The following FRMD4A variants were observed in gnomAD, a reference collection of about 807,000 sequenced individuals.
FRMD4A encodes FERM domain containing 4A.
In FRMD4A, 29 loss-of-function variants were observed where a neutral mutation model predicts 129.1. That is an observed-to-expected ratio of 0.22 (90% confidence interval 0.17 to 0.31). The LOEUF (loss-of-function observed/expected upper bound fraction) is 0.31. Ranked by LOEUF, FRMD4A falls within the 10% of genes least tolerant of loss-of-function variation. The pLI is 1.00. For synonymous variants in FRMD4A, 634 were observed against 571.6 expected (o/e 1.11, Z -1.56); for missense variants, 1,272 against 1,375.8 (o/e 0.92, Z 1.19).
intron 8 of FRMD4A, among the ~76,000 whole-genome samples, chr10:13,760,836 T>A (rs886154877): frequency 5.3e-5 from 8 of 151,116 alleles, no homozygotes; most frequent in Non-Finnish European, 1.5e-5. Context: ...TTTTTGCCTC[T>A]AAACCTTGAT....
chr10:14,012,771 A>G (rs1277014777), intron 2 of FRMD4A, among the ~76,000 whole-genome samples: 1 of 152,082 alleles, frequency 6.6e-6, no homozygotes, highest in Non-Finnish European at 1.5e-5. Context: ...GGCCTCAACT[A>G]TTTGTCCAAT....
At chr10:13,754,594 G>A (rs1435864007) in intron 8 of FRMD4A, among the ~76,000 whole-genome samples, 4 of 150,752 alleles carry the variant, frequency 2.7e-5, no homozygotes, top group Non-Finnish European at 4.5e-5. Flanking sequence ...GTGTGTGTGT[G>A]TGTGTGTAAA....
intron 2 of FRMD4A, among the ~76,000 whole-genome samples, chr10:14,256,453 G>A (rs572279387): frequency 4.3e-4 from 65 of 152,142 alleles, no homozygotes; most frequent in African/African-American, 1.4e-3. Context: ...CCATCTTGAA[G>A]AATAAGCAGA....
intron 24 of FRMD4A, among the ~76,000 whole-genome samples, chr10:13,650,637 A>AG (rs1464268007): frequency 2.0e-5 from 3 of 152,016 alleles, no homozygotes; most frequent in East Asian, 1.9e-4. Context: ...GGGCTGGGGG[A>AG]GGGGGTCTAC....
intron 2 of FRMD4A, among the ~76,000 whole-genome samples, chr10:14,077,166 G>A (rs994237081): frequency 2.0e-5 from 3 of 152,204 alleles, no homozygotes; most frequent in African/African-American, 7.2e-5. Context: ...ACCTGGGTAG[G>A]CACTGCAAGG....
At chr10:13,818,197 T>C (rs1426558665) in intron 3 of FRMD4A, among the ~76,000 whole-genome samples, 1 of 152,020 alleles carries the variant, frequency 6.6e-6, no homozygotes, top group Non-Finnish European at 1.5e-5. Flanking sequence ...CAGGGACTTA[T>C]TCTGTTGCCC....
At chr10:13,797,132 A>G (rs2093137255) in intron 4 of FRMD4A, among the ~76,000 whole-genome samples, 1 of 152,182 alleles carries the variant, frequency 6.6e-6, no homozygotes, top group Non-Finnish European at 1.5e-5. Flanking sequence ...AGGAACTGGA[A>G]AGTGAAGGGA....
intron 2 of FRMD4A, among the ~76,000 whole-genome samples, chr10:13,898,359 C>A (rs1474995390): frequency 1.3e-5 from 2 of 152,026 alleles, no homozygotes; most frequent in East Asian, 3.9e-4. Flanking sequence ...GAGAGAGACT[C>A]CATCTCAAAA....
At chr10:13,916,945 T>C (rs2095014971) in intron 2 of FRMD4A, among the ~76,000 whole-genome samples, 1 of 152,228 alleles carries the variant, frequency 6.6e-6, no homozygotes, top group Non-Finnish European at 1.5e-5. Context: ...GAAAGCTTTG[T>C]GTGAGAGAAA....
intron 2 of FRMD4A, among the ~76,000 whole-genome samples, chr10:14,231,473 G>C (rs1843636917): frequency 6.6e-6 from 1 of 151,932 alleles, no homozygotes; most frequent in Non-Finnish European, 1.5e-5. Context: ...TTCCTGAGTA[G>C]CTGGGACTAC....
At chr10:14,059,539 T>C (rs1405418601) in intron 2 of FRMD4A, among the ~76,000 whole-genome samples, 2 of 152,202 alleles carry the variant, frequency 1.3e-5, no homozygotes, top group African/African-American at 2.4e-5. Flanking sequence ...GGTGGCCACC[T>C]TAAGCAAGGA....
At chr10:14,221,851 C>T (rs573277793) in intron 2 of FRMD4A, among the ~76,000 whole-genome samples, 1 of 152,128 alleles carries the variant, frequency 6.6e-6, no homozygotes, top group South Asian at 2.1e-4. Context: ...CACAATGCGC[C>T]GCCAGTGATT....
intron 2 of FRMD4A, among the ~76,000 whole-genome samples, chr10:13,906,570 G>A (rs1381016264): frequency 6.6e-6 from 1 of 152,060 alleles, no homozygotes; most frequent in Non-Finnish European, 1.5e-5. Context: ...ATCCACTAAG[G>A]GCGTGAAATC....
chr10:13,843,288 T>C lies in FRMD4A; in HGVS notation c.111+15559A>G, dbSNP rs1789272771. Reference sequence around the variant, plus strand: ...TCCACATCTCAAGTGACACTGAGGCTGTTTGTCTAGGACCACACTTTGAGA... The same window carrying C: ...TCCACATCTCAAGTGACACTGAGGCCGTTTGTCTAGGACCACACTTTGAGA... On this transcript the variant is annotated intron_variant, in intron 3 of 24. Coordinates refer to ENST00000357447, the MANE Select transcript of FRMD4A (RefSeq NM_018027.5). Among the ~76,000 whole-genome samples, 3 of 152,142 alleles carry C rather than the reference T, an allele frequency of 2.0e-5. No homozygotes were observed. The South Asian group carries it at 6.2e-4, about 32-fold the overall frequency.
At chr10:13,984,120 G>A (rs2095572579) in intron 2 of FRMD4A, among the ~76,000 whole-genome samples, 1 of 152,194 alleles carries the variant, frequency 6.6e-6, no homozygotes, top group Non-Finnish European at 1.5e-5. Flanking sequence ...CCACGGTGAA[G>A]TGGCCTGGGG....
intron 2 of FRMD4A, among the ~76,000 whole-genome samples, chr10:14,190,325 G>A (rs11591602): frequency 0.15 from 22,873 of 152,148 alleles, 1,843 homozygotes; most frequent in Middle Eastern, 0.24. Flanking sequence ...CTCACTGCTG[G>A]ATGTGCTGGA....
At chr10:14,006,279 C>A (rs1429694281) in intron 2 of FRMD4A, among the ~76,000 whole-genome samples, 1 of 152,164 alleles carries the variant, frequency 6.6e-6, no homozygotes, top group Non-Finnish European at 1.5e-5. Context: ...GGCCCCAAAC[C>A]ATTCAGACCA....
At chr10:13,703,257 G>C (rs919945321) in intron 13 of FRMD4A, among the ~76,000 whole-genome samples, 5 of 151,872 alleles carry the variant, frequency 3.3e-5, no homozygotes, top group African/African-American at 1.2e-4. Context: ...CAGATACTCA[G>C]AGTTCTTCTC....
In FRMD4A at chr10:13,707,096, C is replaced by T. The variant is rs1486989783; in HGVS notation, c.777G>A (p.Gln259=). ...VKPRKIFQWR[Q]LENLYFREKK... is the part of the protein sequence containing the mutation. ...TTTCTCTGAAGTACAGGTTTTCCAA[C>T]TGTCTCCATTGGAATATCTGGACAG... Residue 259 remains glutamine, a synonymous_variant, in exon 13 of 25, where the codon CAG becomes CAA. Coordinates refer to ENST00000357447, the MANE Select transcript of FRMD4A (RefSeq NM_018027.5). The T allele has an allele frequency of 6.3e-7, 1 of 1,577,012 alleles. No homozygotes were observed. The highest frequency in any genetic ancestry group is 1.7e-4 in the Middle Eastern group (1 of 6,002).
Sources: allele counts gnomAD v4.1 joint callset (sites outside exome capture counted in the v4.1 genomes callset), GRCh38; gene constraint gnomAD v4.1.1; transcripts MANE v1.5; gene names NCBI Gene and HGNC (gene_info 2026-07-23, HGNC 2026-07-21).